The following GPC3 variants were observed in gnomAD, a reference collection of about 807,000 sequenced individuals.
GPC3 encodes glypican-3.
Under a neutral mutation model 34.4 loss-of-function variants are expected in GPC3, and 3 were observed. That is an observed-to-expected ratio of 0.09 (90% CI 0.04 to 0.23). GPC3 has a LOEUF of 0.23. GPC3 is among the 10% of genes least tolerant of loss of function. The pLI is 1.00. For missense variants in GPC3, 351 were observed against 445.6 expected (o/e 0.79, Z 1.91); for synonymous variants, 177 against 174.0 (o/e 1.02, Z -0.13).
intron 1 of GPC3, among the ~76,000 whole-genome samples, chrX:133,953,421 G>A (rs2076402371): frequency 9.0e-6 from 1 of 111,026 alleles, no homozygotes. Context: ...CCTTATGGCT[G>A]ACTCTTTTTG....
chrX:133,880,041 A>C (rs2076034907), intron 2 of GPC3, among the ~76,000 whole-genome samples: 1 of 111,452 alleles, frequency 9.0e-6, no homozygotes, highest in African/African-American at 3.3e-5. Context: ...GGAAGACAAA[A>C]ATCCAGTGAT....
chrX:133,653,316 C>T (rs889025049), intron 6 of GPC3, among the ~76,000 whole-genome samples: 5 of 111,999 alleles, frequency 4.5e-5, no homozygotes, highest in African/African-American at 1.6e-4. Flanking sequence ...CAGCACCTCT[C>T]CCACATTCCC....
At chrX:133,955,816 A>G (rs2056136846) in intron 1 of GPC3, among the ~76,000 whole-genome samples, 2 of 112,292 alleles carry the variant, frequency 1.8e-5, no homozygotes, top group African/African-American at 3.2e-5. Context: ...ACTAGAAAGC[A>G]TATTCAGACA....
intron 2 of GPC3, among the ~76,000 whole-genome samples, chrX:133,860,757 G>A (rs983969452): frequency 9.0e-6 from 1 of 111,374 alleles, no homozygotes; most frequent in African/African-American, 3.3e-5. Flanking sequence ...TCAATGGTGA[G>A]GAGTATCTCA....
chrX:133,548,385 T>C (rs1443231436), intron 7 of GPC3, among the ~76,000 whole-genome samples: 4 of 111,276 alleles, frequency 3.6e-5, no homozygotes, highest in Non-Finnish European at 7.5e-5. Flanking sequence ...CCTTACATTT[T>C]TAATCAGCCA....
At chrX:133,630,460 C>T (rs750073096) in intron 6 of GPC3, among the ~76,000 whole-genome samples, 11 of 111,999 alleles carry the variant, frequency 9.8e-5, no homozygotes, top group Non-Finnish European at 2.1e-4. Context: ...GAATTCTGTC[C>T]ATCCAGAGTT....
intron 1 of GPC3, among the ~76,000 whole-genome samples, chrX:133,957,500 C>T (rs2076421849): frequency 9.0e-6 from 1 of 111,667 alleles, no homozygotes. Flanking sequence ...AGAAAGAACA[C>T]AGAAAACAGA....
At chrX:133,605,722 G>A (rs901766220) in intron 6 of GPC3, among the ~76,000 whole-genome samples, 1 of 111,643 alleles carries the variant, frequency 9.0e-6, no homozygotes, top group Admixed American at 9.5e-5. Context: ...CATAGCAGCA[G>A]ACATAAGAGC....
intron 2 of GPC3, among the ~76,000 whole-genome samples, chrX:133,828,429 A>G (rs2075759917): frequency 8.9e-6 from 1 of 112,325 alleles, no homozygotes; most frequent in Admixed American, 9.4e-5. Context: ...AAGTGCTGGG[A>G]TTATAGGTGT....
intron 7 of GPC3, among the ~76,000 whole-genome samples, chrX:133,571,602 G>A (rs1225628201): frequency 9.0e-6 from 1 of 111,684 alleles, no homozygotes; most frequent in Non-Finnish European, 1.9e-5. Flanking sequence ...TGGGCTTTTT[G>A]TATTTAACAT....
chrX:133,695,535 A>G, intron 4 of GPC3, among the ~76,000 whole-genome samples: 1 of 111,795 alleles, frequency 8.9e-6, no homozygotes, highest in East Asian at 2.8e-4. Flanking sequence ...GCCCCTTGGA[A>G]GAATGAAAAC....
At chrX:133,711,473 T>C (rs918910554) in intron 3 of GPC3, among the ~76,000 whole-genome samples, 23 of 111,118 alleles carry the variant, frequency 2.1e-4, no homozygotes, top group Non-Finnish European at 4.0e-4. Context: ...GGAGCCCAGC[T>C]TTTAACAAGC....
At chrX:133,589,098 A>G (rs962323215) in intron 7 of GPC3, among the ~76,000 whole-genome samples, 5 of 111,719 alleles carry the variant, frequency 4.5e-5, no homozygotes, top group South Asian at 3.8e-4. Context: ...CAGTCCCCAC[A>G]CTGACATCTG....
intron 3 of GPC3, among the ~76,000 whole-genome samples, chrX:133,721,502 A>T (rs898068044): frequency 2.7e-5 from 3 of 111,814 alleles, no homozygotes; most frequent in African/African-American, 9.7e-5. Context: ...TTATTAATTT[A>T]AAAAGCCCAG....
Position 133,754,236 on chromosome X carries a change from A to G in GPC3, c.338-60T>C, listed in dbSNP as rs1178994397. On this transcript the variant is annotated intron_variant, in intron 2 of 7. Coordinates refer to ENST00000370818, the MANE Select transcript of GPC3 (RefSeq NM_004484.4). Reference sequence around the variant, plus strand: ...TGTACAAATTAAAGCATGAAAATCCAGTGTGAAAATGAATTTGAGACTTCT... The same window carrying G: ...TGTACAAATTAAAGCATGAAAATCCGGTGTGAAAATGAATTTGAGACTTCT... 4.4e-6 allele frequency: 4 copies of G among 903,995 alleles called. No individual in the cohort carries two copies. The African/African-American group carries it at 8.0e-5, about 18-fold the overall frequency. 74.5% of individuals were successfully genotyped at this position (903,995 alleles called of 1,213,427 possible).
At chrX:133,861,159 G>A (rs961304339) in intron 2 of GPC3, among the ~76,000 whole-genome samples, 2 of 111,341 alleles carry the variant, frequency 1.8e-5, no homozygotes, top group Admixed American at 9.6e-5. Context: ...ATCAGCATAC[G>A]TATAAAACTG....
chrX:133,876,175 A>G (rs1399788290), intron 2 of GPC3, among the ~76,000 whole-genome samples: 2 of 112,257 alleles, frequency 1.8e-5, no homozygotes, highest in Non-Finnish European at 3.8e-5. Context: ...TGCAACTTTA[A>G]TTTTTGTCAA....
At chrX:133,700,049 T>C in intron 3 of GPC3, 21 bp from the exon 4 acceptor site, 1 of 1,147,956 alleles carries the variant, frequency 8.7e-7, no homozygotes, top group Non-Finnish European at 1.2e-6. Context: ...AAATGCAATA[T>C]AATTATATGA....
At chrX:133,854,004 C>T (rs1303012497) in intron 2 of GPC3, among the ~76,000 whole-genome samples, 1 of 111,993 alleles carries the variant, frequency 8.9e-6, no homozygotes, top group Admixed American at 9.5e-5. Flanking sequence ...GCTCTATTTA[C>T]CAAGTAGAAA....
Sources: gnomAD v4.1 joint callset for allele counts (sites outside exome capture counted in the v4.1 genomes callset) on GRCh38, gnomAD v4.1.1 for gene constraint, MANE v1.5 for transcripts, NCBI Gene and HGNC (gene_info 2026-07-23, HGNC 2026-07-21) for gene names.